Variants in MBP observed in about 807,000 individuals in gnomAD.
MBP encodes the protein myelin basic protein.
MBP carries 16 observed loss-of-function variants against 35.8 expected under a neutral mutation model. The ratio of observed to expected loss-of-function variants is 0.45; its 90% CI spans 0.30 to 0.68. The LOEUF (loss-of-function observed/expected upper bound fraction) is 0.68, where lower values mean the gene tolerates loss of function less well. MBP is among the 30% of genes least tolerant of loss of function. The pLI is 0.08. For synonymous variants in MBP, 143 were observed against 159.6 expected, an observed-to-expected ratio of 0.90 and a Z score of 0.78; for missense variants, 380 against 404.7, an observed-to-expected ratio of 0.94 and a Z score of 0.52.
chr18:77,021,373 C>T (rs902214917), intron 3 of MBP, among the ~76,000 whole-genome samples: 1 of 152,200 alleles, frequency 6.6e-6, no homozygotes, highest in Admixed American at 6.5e-5. Flanking sequence ...AATGCAATTT[C>T]CTCTTGCATT....
chr18:77,047,631 G>A (rs898459085), intron 3 of MBP, among the ~76,000 whole-genome samples: 2 of 152,216 alleles, frequency 1.3e-5, no homozygotes, highest in African/African-American at 4.8e-5. Context: ...GAACTCTGTG[G>A]TTTGTAAATT....
chr18:76,984,905 A>G lies in MBP; in HGVS notation c.751-11T>C, dbSNP rs1969448968. The G allele has an allele frequency of 1.2e-6, 2 of 1,612,486 alleles. No homozygotes were observed. The highest frequency in any genetic ancestry group is 1.7e-6 in the Non-Finnish European group (2 of 1,179,920). ...CTGGCCTTCGGCCCCCTGCAAGAGA[A>G]GACCACGGAGCTCAACCTCCACCCG... On this transcript the variant is annotated splice_polypyrimidine_tract_variant and intron_variant, in intron 7 of 8. Coordinates refer to ENST00000355994, the MANE Select transcript of MBP (RefSeq NM_001025101.2).
At chr18:77,074,393 T>C (rs143172009) in intron 2 of MBP, among the ~76,000 whole-genome samples, 12 of 151,734 alleles carry the variant, frequency 7.9e-5, no homozygotes, top group African/African-American at 2.7e-4. Flanking sequence ...GATAGATTTC[T>C]AAGTTAACTT....
At chr18:77,041,792 G>C (rs189162727) in intron 3 of MBP, among the ~76,000 whole-genome samples, 1 of 109,408 alleles carries the variant, frequency 9.1e-6, no homozygotes, top group African/African-American at 3.4e-5. Context: ...GTGGGGGGAG[G>C]GGGGAGGGAT....
chr18:77,067,836 A>G, intron 2 of MBP: 1 of 513,878 alleles, frequency 1.9e-6, no homozygotes, highest in Non-Finnish European at 3.9e-6. Context: ...CCTTCTGGAG[A>G]GAGGGGCAGG....
chr18:77,013,575 C>T (rs1971463406), intron 4 of MBP: 2 of 985,396 alleles, frequency 2.0e-6, no homozygotes, highest in Non-Finnish European at 2.4e-6. Flanking sequence ...GAATGACAAA[C>T]AGTTCTTCTC....
chr18:77,039,936 C>A (rs1010026837), intron 3 of MBP, among the ~76,000 whole-genome samples: 1 of 152,214 alleles, frequency 6.6e-6, no homozygotes, highest in African/African-American at 2.4e-5. Context: ...CTGGTGCGGC[C>A]GGCTCTACAG....
At chr18:76,996,701 G>A (rs922282406) in intron 4 of MBP, among the ~76,000 whole-genome samples, 1 of 152,140 alleles carries the variant, frequency 6.6e-6, no homozygotes, top group African/African-American at 2.4e-5. Flanking sequence ...AGAGCTGGGG[G>A]GCAGGGAGTG....
At chr18:77,089,215 G>A (rs1807680147) in intron 2 of MBP, among the ~76,000 whole-genome samples, 1 of 152,238 alleles carries the variant, frequency 6.6e-6, no homozygotes, top group Non-Finnish European at 1.5e-5. Flanking sequence ...TGTGACCCCT[G>A]TGTGGCCCTG....
rs146680279 is a variant in MBP at position 77,070,032 on chromosome 18, TA to T, written c.52-3648del. Among the ~76,000 whole-genome samples, 1,211 of 152,338 alleles carry T rather than the reference TA, an allele frequency of 7.9e-3. 21 individuals are homozygous for T. Among genetic ancestry groups the T allele is most frequent in the African/African-American group, 0.026 (1,101 of 41,572 alleles). ...TATAAGGTTTGTTTTTGAGACCCGA[TA>T]TTGCTATTCCAAAAATATAAAATAT... On this transcript the variant is annotated intron_variant, in intron 2 of 8. Coordinates refer to ENST00000355994, the MANE Select transcript of MBP (RefSeq NM_001025101.2).
intron 3 of MBP, among the ~76,000 whole-genome samples, chr18:77,057,242 C>A (rs1364465086): frequency 6.6e-6 from 1 of 152,194 alleles, no homozygotes; most frequent in African/African-American, 2.4e-5. Context: ...TGCGGTCTCC[C>A]TGGCTGGCTG....
intron 3 of MBP, among the ~76,000 whole-genome samples, chr18:77,058,324 C>T (rs1248994503): frequency 7.9e-5 from 12 of 152,206 alleles, no homozygotes; most frequent in Non-Finnish European, 1.5e-5. Context: ...CAGGACCCAC[C>T]TGGGACCCCT....
At position 76,980,259 on chromosome 18, in the gene MBP, G is replaced by C. The variant is rs769727478; in HGVS notation, c.*168C>G. 5.4e-6 allele frequency: 4 copies of C among 735,272 alleles called. No homozygotes were observed. The highest frequency in any genetic ancestry group is 1.0e-5 in the Non-Finnish European group (4 of 400,794). 45.5% of individuals were successfully genotyped at this position (735,272 alleles called of 1,614,324 possible). A position where few individuals can be genotyped will look rare whatever the true frequency, so the allele number is the denominator to read the frequency against. ...TCATGTTCTCATTTAACTGTTGGCC[G>C]GAAATTGCCGGTAGGCTGCCGTGGC... On this transcript the variant is annotated 3_prime_UTR_variant, in exon 9 of 9. Transcript: ENST00000355994.
chr18:77,066,068 G>T (rs1056389746), intron 3 of MBP: 17 of 489,738 alleles, frequency 3.5e-5, no homozygotes, highest in African/African-American at 2.0e-4. Flanking sequence ...TCATTGTGTT[G>T]CCCGGGCTGG....
intron 3 of MBP, among the ~76,000 whole-genome samples, chr18:77,035,791 C>A (rs1477010793): frequency 1.3e-5 from 2 of 152,162 alleles, no homozygotes; most frequent in Non-Finnish European, 2.9e-5. Context: ...GAGGGAGGGG[C>A]CTTTCAGAAC....
At chr18:77,027,462 C>T (rs1972267709) in intron 3 of MBP, among the ~76,000 whole-genome samples, 1 of 152,120 alleles carries the variant, frequency 6.6e-6, no homozygotes, top group African/African-American at 2.4e-5. Flanking sequence ...AGGGGCAGGG[C>T]CAGGGACAGC....
Position 77,017,139 on chromosome 18 carries a change from T to A in MBP, c.269A>T (p.His90Leu). 1 of 1,573,150 alleles carries A rather than the reference T, an allele frequency of 6.4e-7. No homozygotes were observed. Among genetic ancestry groups the A allele is most frequent in the Non-Finnish European group, 8.6e-7 (1 of 1,157,090 alleles). The change falls in exon 4 of 9, where the codon CAC becomes CTC. Residue 90 changes from histidine (H) to leucine (L), a missense_variant. Physicochemically the swap from His to Leu is moderately conservative, Grantham distance 99. Coordinates refer to ENST00000355994, the MANE Select transcript of MBP (RefSeq NM_001025101.2). ...ATCTCGGGAAAAGAGGCGGATCAAG[T>A]GGGGGCGGCTCCCTGGGTCAGCTGG... ...AHPADPGSRP[H>L]LIRLFSRDAP...
chr18:77,015,201 C>T, intron 4 of MBP: 1 of 985,380 alleles, frequency 1.0e-6, no homozygotes, highest in Non-Finnish European at 1.2e-6. Context: ...GTGTCACTCA[C>T]ATGAAGCTTA....
intron 1 of MBP, among the ~76,000 whole-genome samples, chr18:77,116,478 G>A (rs1320405425): frequency 3.3e-5 from 5 of 152,236 alleles, no homozygotes; most frequent in Non-Finnish European, 4.4e-5. Context: ...TTTGGGCTCA[G>A]GAGAGCTTGG....
Sources: allele counts gnomAD v4.1 joint callset (sites outside exome capture counted in the v4.1 genomes callset), GRCh38; gene constraint gnomAD v4.1.1; transcripts MANE v1.5; gene names NCBI Gene and HGNC (gene_info 2026-07-23, HGNC 2026-07-21).